Variants in ACTR3 observed in about 807,000 individuals in gnomAD.
ACTR3 encodes the protein actin-related protein 3.
A neutral mutation model predicts 56.8 loss-of-function variants in ACTR3; 12 were observed. That is an observed-to-expected ratio of 0.21 (90% CI 0.14 to 0.34). The LOEUF (loss-of-function observed/expected upper bound fraction) is 0.34, where lower values mean the gene tolerates loss of function less well. Among genes scored for constraint, ACTR3 ranks in the 10% least tolerant of loss-of-function variants. The pLI, the probability that ACTR3 is intolerant of heterozygous loss-of-function variation, is 1.00. For synonymous variants in ACTR3, 162 were observed against 167.4 expected (o/e 0.97, Z 0.25); for missense variants, 282 against 512.5 (o/e 0.55, Z 4.34).
chr2:113,925,914 A>C (rs1679611593), intron 3 of ACTR3, among the ~76,000 whole-genome samples: 1 of 152,188 alleles, frequency 6.6e-6, no homozygotes. Context: ...TCTGTTGCAG[A>C]GGTTCACAAA....
chr2:113,894,892 G>T (rs529741140), intron 1 of ACTR3, among the ~76,000 whole-genome samples: 1 of 152,036 alleles, frequency 6.6e-6, no homozygotes, highest in Non-Finnish European at 1.5e-5. Flanking sequence ...TTAACACTCC[G>T]GGGACTCCTG....
chr2:113,951,249 A>G (rs1680116097), intron 8 of ACTR3: 1 of 359,326 alleles, frequency 2.8e-6, no homozygotes, highest in East Asian at 5.0e-5. Context: ...AGCTCATAGT[A>G]TATGTATGAC....
chr2:113,946,670 T>C (rs1345414802), intron 8 of ACTR3, among the ~76,000 whole-genome samples: 2 of 152,242 alleles, frequency 1.3e-5, no homozygotes, highest in African/African-American at 4.8e-5. Flanking sequence ...TTTACTCTGC[T>C]GATAGTTTCT....
In ACTR3 at chr2:113,959,682, T is replaced by G. The variant is rs1401234238; in HGVS notation, c.*2227T>G. Reference sequence around the variant, plus strand: ...TTCTTGTTTCTTTATATCTCTCCTCTGTGATTGTATACCGTTTTTTCAACT... The same window carrying G: ...TTCTTGTTTCTTTATATCTCTCCTCGGTGATTGTATACCGTTTTTTCAACT... On this transcript the variant is annotated 3_prime_UTR_variant, in exon 12 of 12. Coordinates refer to ENST00000263238, the MANE Select transcript of ACTR3 (RefSeq NM_005721.5). The G allele has an allele frequency of 2.0e-5, 3 of 152,070 alleles. No homozygotes were observed. Among genetic ancestry groups the G allele is most frequent in the Non-Finnish European group, 4.4e-5 (3 of 67,930 alleles). 9.4% of individuals were successfully genotyped at this position (152,070 alleles called of 1,614,324 possible).
At chr2:113,934,110 A>G (rs1679776423) in intron 5 of ACTR3, 169 bp from the exon 6 acceptor site, 1 of 563,212 alleles carries the variant, frequency 1.8e-6, no homozygotes, top group Non-Finnish European at 3.1e-6. Context: ...GGAGTGAGCT[A>G]TTTTATTGCA....
intron 1 of ACTR3, among the ~76,000 whole-genome samples, chr2:113,894,691 C>G (rs1221526005): frequency 2.6e-5 from 4 of 152,190 alleles, no homozygotes; most frequent in Admixed American, 2.6e-4. Flanking sequence ...GAATTTTAGG[C>G]ACAGAACGGA....
chr2:113,942,152 C>T (rs1679935283), intron 7 of ACTR3, 34 bp from the exon 8 acceptor site: 1 of 1,519,352 alleles, frequency 6.6e-7, no homozygotes, highest in African/African-American at 1.5e-5. Flanking sequence ...CTATAATAAG[C>T]AAAAAAAGTT....
chr2:113,952,019 C>A, intron 10 of ACTR3, 174 bp downstream of exon 10: 1 of 855,620 alleles, frequency 1.2e-6, no homozygotes, highest in Non-Finnish European at 1.7e-6. Context: ...TCATTTGATT[C>A]TTCTAGGATA....
At position 113,927,544 on chromosome 2, in the gene ACTR3, TATTAA is replaced by T. The variant is rs1310392699; in HGVS notation, c.336+93_336+97del. 1.2e-5 allele frequency: 10 copies of T among 827,610 alleles called. No individual in the cohort carries two copies. In the East Asian group the frequency reaches 2.3e-4, roughly 19 times the overall value. The allele number at this position is 827,610 out of a possible 1,614,324, so 51.3% of individuals were successfully genotyped here. A position where few individuals can be genotyped will look rare whatever the true frequency, so the allele number is the denominator to read the frequency against. ...TCATACTTCTTTGGTATACTTTGGT[TATTAA>T]ATTGTCATATGTCTAAATGACTTTG... On this transcript the variant is annotated intron_variant, in intron 4 of 11. Transcript: ENST00000263238.
At position 113,890,339 on chromosome 2, in the gene ACTR3, G is replaced by A; in HGVS notation, c.44+16G>A. The A allele has an allele frequency of 6.6e-7, 1 of 1,507,132 alleles. No individual in the cohort carries two copies. The highest frequency in any genetic ancestry group is 1.2e-5 in the South Asian group (1 of 82,344). 93.4% of individuals were successfully genotyped at this position (1,507,132 alleles called of 1,614,324 possible). ...GTGGCACGGGGTAAGGGGGCTTACG[G>A]GCGGGGGTGGGGAAACTGAGGCGGA... On this transcript the variant is annotated intron_variant, in intron 1 of 11. Transcript: ENST00000263238.
At chr2:113,918,773 GCTTATTTTACTTAGAAAA>G (rs1679454285) in intron 3 of ACTR3, among the ~76,000 whole-genome samples, 1 of 152,070 alleles carries the variant, frequency 6.6e-6, no homozygotes, top group African/African-American at 2.4e-5. Flanking sequence ...ATATATGTTG[GCTTATTTTACTTAGAAAA>G]GATTACTCAG....
At chr2:113,937,313 T>C (rs1574375372) in intron 6 of ACTR3, among the ~76,000 whole-genome samples, 1 of 152,224 alleles carries the variant, frequency 6.6e-6, no homozygotes, top group East Asian at 1.9e-4. Flanking sequence ...ACCATGTTGC[T>C]CAGGCTGGTC....
intron 8 of ACTR3, among the ~76,000 whole-genome samples, chr2:113,946,366 G>A (rs6542184): frequency 6.6e-6 from 1 of 151,446 alleles, no homozygotes; most frequent in African/African-American, 2.4e-5. Flanking sequence ...AGGAGGGATG[G>A]TGTGAGAATA....
chr2:113,951,448 A>C, intron 8 of ACTR3, 31 bp from the exon 9 acceptor site: 1 of 1,433,758 alleles, frequency 7.0e-7, no homozygotes, highest in Non-Finnish European at 9.8e-7. Flanking sequence ...TAGTGATATG[A>C]TCTCTATTAT....
chr2:113,890,907 T>G (rs1678881029), intron 1 of ACTR3: 1 of 455,352 alleles, frequency 2.2e-6, no homozygotes, highest in Non-Finnish European at 2.9e-6. Context: ...TCCTTTCGAC[T>G]CCTGGTCATT....
At chr2:113,943,378 G>A (rs568979327) in intron 8 of ACTR3, among the ~76,000 whole-genome samples, 1 of 152,176 alleles carries the variant, frequency 6.6e-6, no homozygotes, top group Admixed American at 6.5e-5. Context: ...GATCCAGATA[G>A]GTATTCATGG....
At chr2:113,930,024 T>G (rs1167366977) in intron 4 of ACTR3, among the ~76,000 whole-genome samples, 1 of 152,330 alleles carries the variant, frequency 6.6e-6, no homozygotes, top group South Asian at 2.1e-4. Flanking sequence ...GTGTGTACGA[T>G]TTTTCATTTG....
At chr2:113,935,393 C>T (rs762491438) in intron 6 of ACTR3, among the ~76,000 whole-genome samples, 16 of 152,170 alleles carry the variant, frequency 1.1e-4, no homozygotes, top group Non-Finnish European at 1.9e-4. Context: ...CTGGCAACCA[C>T]GAATCTACTT....
At chr2:113,891,734 G>A (rs2104575515) in intron 1 of ACTR3, among the ~76,000 whole-genome samples, 3 of 151,914 alleles carry the variant, frequency 2.0e-5, no homozygotes, top group Middle Eastern at 6.8e-3. Flanking sequence ...AGCTAGTGTG[G>A]CAGTTTCTAA....
Sources: allele counts gnomAD v4.1 joint callset (sites outside exome capture counted in the v4.1 genomes callset), GRCh38; gene constraint gnomAD v4.1.1; transcripts MANE v1.5; gene names NCBI Gene and HGNC (gene_info 2026-07-23, HGNC 2026-07-21).